Variants in NRG4 observed in about 807,000 individuals in gnomAD.
The protein encoded by NRG4 is neuregulin 4.
A neutral mutation model predicts 15.0 loss-of-function variants in NRG4; 10 were observed. That is an observed-to-expected ratio of 0.67 (90% CI 0.41 to 1.13). The LOEUF is 1.13. Among genes scored for constraint, NRG4 ranks in the 50% most tolerant of loss-of-function variants. The probability of loss-of-function intolerance (pLI) is 0.00; values close to 1 mark genes in which losing one functional copy is unlikely to be tolerated. For synonymous variants in NRG4, 41 were observed against 50.1 expected (o/e 0.82, Z 0.77); for missense variants, 139 against 140.2 (o/e 0.99, Z 0.04).
chr15:76,014,701 A>C (rs1324412279), upstream of NRG4, among the ~76,000 whole-genome samples: 1 of 152,054 alleles, frequency 6.6e-6, no homozygotes, highest in African/African-American at 2.4e-5. Flanking sequence ...CCATTGGTCT[A>C]TATGTCTGTT....
chr15:76,050,489 T>C (rs2035973622), intron 4 of NRG4, among the ~76,000 whole-genome samples: 2 of 134,764 alleles, frequency 1.5e-5, no homozygotes, highest in South Asian at 5.1e-4. Flanking sequence ...TTGCCCTGGC[T>C]GGAGTGCAAT....
chr15:75,983,788 G>A (rs2033692483), intron 3 of NRG4, among the ~76,000 whole-genome samples: 1 of 152,018 alleles, frequency 6.6e-6, no homozygotes, highest in Admixed American at 6.6e-5. Context: ...TAAGAAATAT[G>A]TAAAACCTAT....
At chr15:75,969,543 T>C (rs527534434) in intron 3 of NRG4, among the ~76,000 whole-genome samples, 4 of 152,358 alleles carry the variant, frequency 2.6e-5, no homozygotes, top group Non-Finnish European at 5.9e-5. Flanking sequence ...GTTTCTATTC[T>C]TGGATATGTG....
intron 5 of NRG4, among the ~76,000 whole-genome samples, chr15:75,946,966 G>A (rs1383618999): frequency 1.3e-5 from 2 of 152,138 alleles, no homozygotes; most frequent in Admixed American, 6.5e-5. Context: ...GGGTATTTGG[G>A]TTGTTTCCAC....
At position 76,046,051 on chromosome 15, in the gene NRG4, T is replaced by C. The variant is rs2035861343; in HGVS notation, c.-105+6016A>G. On this transcript the variant is annotated intron_variant, in intron 4 of 8. Coordinates refer to the NRG4 transcript ENST00000563910. Reference sequence around the variant, plus strand: ...ATATCTCATGTAACCCATAAATGTATATACCTACTATGTTCCCACAAAAAT... The same window carrying C: ...ATATCTCATGTAACCCATAAATGTACATACCTACTATGTTCCCACAAAAAT... Among the ~76,000 whole-genome samples the C allele has an allele frequency of 1.3e-5, 2 of 151,110 alleles. 1 individual carries two copies. Among genetic ancestry groups the C allele is most frequent in the African/African-American group, 4.9e-5 (2 of 40,566 alleles).
intron 4 of NRG4, among the ~76,000 whole-genome samples, chr15:75,960,527 TG>T (rs1439088511): frequency 6.6e-6 from 1 of 152,210 alleles, no homozygotes; most frequent in Non-Finnish European, 1.5e-5. Context: ...GCTGAATGCC[TG>T]GGATGGCTCA....
Position 75,942,076 on chromosome 15 carries a change from G to A in NRG4, c.*1562C>T, listed in dbSNP as rs1234871787. The stretch of plus-strand genomic sequence containing the variant: ...TAAGTGAAAGAAGTTAGTCTGAAAG[G>A]CTACATACTACATGATTTCAAATAT... On this transcript the variant is annotated 3_prime_UTR_variant, in exon 6 of 6. Transcript: ENST00000394907. The A allele has an allele frequency of 6.6e-6, 1 of 151,254 alleles. No individual in the cohort carries two copies. The highest frequency in any genetic ancestry group is 1.5e-5 in the Non-Finnish European group (1 of 67,870). 9.4% of individuals were successfully genotyped at this position (151,254 alleles called of 1,614,324 possible).
chr15:75,948,446 C>T lies in NRG4; in HGVS notation c.332-4792G>A, dbSNP rs574224681. Among the ~76,000 whole-genome samples the T allele has an allele frequency of 5.6e-4, 85 of 152,100 alleles. 1 individual carries two copies. Among genetic ancestry groups the T allele is most frequent in the South Asian group, 3.9e-3 (19 of 4,820 alleles). ...TCCTGAGTAGCTGGGACTACAGGCA[C>T]GTGCCACCATGCCCAGATAATGTTT... On this transcript the variant is annotated intron_variant, in intron 5 of 5. Transcript: ENST00000394907.
chr15:75,946,727 A>T (rs11636220), intron 5 of NRG4, among the ~76,000 whole-genome samples: 47,787 of 151,968 alleles, frequency 0.31, 8,465 homozygotes, highest in South Asian at 0.54. Context: ...ATTCCTCCCG[A>T]CAGCCCTGGT....
intron 4 of NRG4, among the ~76,000 whole-genome samples, chr15:76,046,242 T>G (rs535097718): frequency 6.6e-6 from 1 of 151,060 alleles, no homozygotes; most frequent in South Asian, 2.1e-4. Context: ...TACTCATTAA[T>G]TGGAAGAATT....
rs577688669 is a variant in NRG4 at position 75,986,665 on chromosome 15, C to T, written c.104+22535G>A. Among the ~76,000 whole-genome samples the T allele has an allele frequency of 2.6e-5, 4 of 152,192 alleles. No homozygotes were observed. In the East Asian group the frequency reaches 7.7e-4, roughly 29 times the overall value. ...TTTTACTATAAACCTTTTATTATGA[C>T]TTGATTTTTGGACCATATAAATTAT... is the stretch of plus-strand genomic sequence containing the variant. On this transcript the variant is annotated intron_variant, in intron 3 of 5. Transcript: ENST00000394907.
chr15:75,998,410 G>A (rs1449025696), intron 3 of NRG4, among the ~76,000 whole-genome samples: 1 of 152,144 alleles, frequency 6.6e-6, no homozygotes, highest in Admixed American at 6.6e-5. Flanking sequence ...GGATGAGGGG[G>A]AGTTAGCCAT....
intron 4 of NRG4, among the ~76,000 whole-genome samples, chr15:76,037,539 CAGCTGGAACTTGAGTTCCAGCA>C: frequency 6.6e-6 from 1 of 152,314 alleles, no homozygotes; most frequent in Middle Eastern, 3.4e-3. Flanking sequence ...CCCATCCCAG[CAGCTGGAACTTGAGTTCCAGCA>C]AGCTTCCTCA....
intron 5 of NRG4, among the ~76,000 whole-genome samples, chr15:76,023,365 G>C: frequency 6.6e-6 from 1 of 152,126 alleles, no homozygotes; most frequent in East Asian, 1.9e-4. Flanking sequence ...GCCATGCCTG[G>C]ATCAGATTGA....
At chr15:75,939,527 A>C (rs1226003422), downstream of NRG4, 3 of 152,198 alleles carry the variant, frequency 2.0e-5, no homozygotes, top group Admixed American at 2.0e-4. Flanking sequence ...TTTCCCAAAA[A>C]TTGAAGAGGA....
At chr15:76,028,850 A>G (rs2035388122) in intron 5 of NRG4, among the ~76,000 whole-genome samples, 1 of 147,964 alleles carries the variant, frequency 6.8e-6, no homozygotes, top group Non-Finnish European at 1.5e-5. Flanking sequence ...GTTGCAGTGA[A>G]CTGAGATGTG....
chr15:75,942,879 A>C lies in NRG4; in HGVS notation c.*759T>G, dbSNP rs2031145458. The C allele has an allele frequency of 6.6e-6, 1 of 152,176 alleles. No individual in the cohort carries two copies. The highest frequency in any genetic ancestry group is 2.1e-4 in the South Asian group (1 of 4,832). 9.4% of individuals were successfully genotyped at this position (152,176 alleles called of 1,614,324 possible). Reference sequence around the variant, plus strand: ...GAAACTAAATTGTTCTGACCTAATCAGTTCTTAATATTGCACCTAAAAAGA... The same window carrying C: ...GAAACTAAATTGTTCTGACCTAATCCGTTCTTAATATTGCACCTAAAAAGA... On this transcript the variant is annotated 3_prime_UTR_variant, in exon 6 of 6. Coordinates refer to ENST00000394907, the MANE Select transcript of NRG4 (RefSeq NM_138573.4).
At chr15:75,970,522 G>C (rs978563786) in intron 3 of NRG4, among the ~76,000 whole-genome samples, 5 of 152,234 alleles carry the variant, frequency 3.3e-5, no homozygotes, top group African/African-American at 1.2e-4. Flanking sequence ...TCCCAGGTCT[G>C]AGCCTGTGGC....
upstream of NRG4, among the ~76,000 whole-genome samples, chr15:76,015,246 G>C (rs907013698): frequency 6.6e-6 from 1 of 152,212 alleles, no homozygotes; most frequent in African/African-American, 2.4e-5. Context: ...TTGGGGCTGA[G>C]ATGATGGGGT....
Sources: gnomAD v4.1 joint callset for allele counts (sites outside exome capture counted in the v4.1 genomes callset) on GRCh38, gnomAD v4.1.1 for gene constraint, MANE v1.5 for transcripts, NCBI Gene and HGNC (gene_info 2026-07-23, HGNC 2026-07-21) for gene names.